The following CNTN5 variants were observed in gnomAD, a reference collection of about 807,000 sequenced individuals.
The protein encoded by CNTN5 is contactin-5.
Under a neutral mutation model 129.1 loss-of-function variants are expected in CNTN5, and 77 were observed. The observed-to-expected ratio is 0.60, with a 90% CI of 0.50 to 0.72. CNTN5 has a LOEUF of 0.72. CNTN5 is among the 30% of genes least tolerant of loss of function. The probability of loss-of-function intolerance (pLI) is 0.00; values close to 1 mark genes in which losing one functional copy is unlikely to be tolerated. For synonymous variants in CNTN5, 509 were observed against 465.6 expected, an observed-to-expected ratio of 1.09 and a Z score of -1.20; for missense variants, 1,478 against 1,328.8, an observed-to-expected ratio of 1.11 and a Z score of -1.75.
At chr11:100,024,105 C>T (rs908153077) in intron 9 of CNTN5, among the ~76,000 whole-genome samples, 4 of 152,252 alleles carry the variant, frequency 2.6e-5, no homozygotes, top group Non-Finnish European at 5.9e-5. Flanking sequence ...CTATAAACTC[C>T]ACATGTCAAG....
At chr11:99,368,495 T>A (rs895447156) in intron 2 of CNTN5, among the ~76,000 whole-genome samples, 3 of 151,234 alleles carry the variant, frequency 2.0e-5, no homozygotes, top group Admixed American at 6.6e-5. Flanking sequence ...AAAAAAAAAA[T>A]TGAAAATATA....
intron 2 of CNTN5, among the ~76,000 whole-genome samples, chr11:99,363,057 A>T (rs1187674288): frequency 6.6e-6 from 1 of 152,060 alleles, no homozygotes; most frequent in Non-Finnish European, 1.5e-5. Flanking sequence ...GGGAAAAAAA[A>T]ATCCGTAGGA....
intron 15 of CNTN5, among the ~76,000 whole-genome samples, chr11:100,203,110 C>T (rs1948822689): frequency 6.6e-6 from 1 of 152,002 alleles, no homozygotes; most frequent in African/African-American, 2.4e-5. Flanking sequence ...AAATTATGTT[C>T]AGTAAGATAA....
At chr11:99,275,371 A>G (rs900329044) in intron 1 of CNTN5, among the ~76,000 whole-genome samples, 2 of 151,570 alleles carry the variant, frequency 1.3e-5, no homozygotes, top group African/African-American at 4.8e-5. Flanking sequence ...TTTATACTAT[A>G]ATTAAATTAT....
Position 100,051,546 on chromosome 11 carries a change from A to ACTT in CNTN5, c.981-9663_981-9661dup, listed in dbSNP as rs572847299. Among the ~76,000 whole-genome samples the ACTT allele has an allele frequency of 2.7e-4, 41 of 152,070 alleles. 1 individual carries two copies. The South Asian group carries it at 8.3e-3, about 31-fold the overall frequency. ...GAAAATTCAAAATTTAATGATCTAA[A>ACTT]CTTCTACCTTAAACAAATGGAAAAT... On this transcript the variant is annotated intron_variant, in intron 9 of 24. Transcript: ENST00000524871.
chr11:99,371,478 A>G (rs1044716929), intron 2 of CNTN5, among the ~76,000 whole-genome samples: 1 of 152,152 alleles, frequency 6.6e-6, no homozygotes, highest in African/African-American at 2.4e-5. Context: ...TTTATTATAT[A>G]AATAAAATGT....
chr11:99,423,782 A>G (rs1459258445), intron 2 of CNTN5, among the ~76,000 whole-genome samples: 1 of 145,860 alleles, frequency 6.9e-6, no homozygotes, highest in African/African-American at 2.5e-5. Flanking sequence ...TCCACAGTAC[A>G]GGCTTTGAGT....
intron 3 of CNTN5, among the ~76,000 whole-genome samples, chr11:99,570,129 C>T: frequency 7.0e-6 from 1 of 143,214 alleles, no homozygotes; most frequent in African/African-American, 2.6e-5. Context: ...CTAAAGGTTA[C>T]TTTAAAAAAA....
rs148136649 is a variant in CNTN5 at position 100,293,089 on chromosome 11, G to T, written c.2315-4536G>T. The stretch of plus-strand genomic sequence containing the variant: ...ATCTGGGGGTATGTGAATAGGCTTT[G>T]TATATATTTCTTCTTGCCTTTTCTT... On this transcript the variant is annotated intron_variant, in intron 18 of 24. Coordinates refer to ENST00000524871, the MANE Select transcript of CNTN5 (RefSeq NM_014361.4). 7.2e-5 allele frequency among the ~76,000 whole-genome samples: 11 copies of T among 151,874 alleles called. No homozygotes were observed. In the East Asian group the frequency reaches 9.7e-4, roughly 13 times the overall value.
intron 13 of CNTN5, among the ~76,000 whole-genome samples, chr11:100,178,665 C>G (rs1035538483): frequency 1.9e-4 from 29 of 152,178 alleles, no homozygotes; most frequent in Non-Finnish European, 4.4e-5. Context: ...ATTGTGTTTC[C>G]TTGCTGTTCT....
chr11:99,996,197 G>T (rs1378490310), intron 8 of CNTN5, among the ~76,000 whole-genome samples: 3 of 151,820 alleles, frequency 2.0e-5, no homozygotes, highest in Non-Finnish European at 1.5e-5. Flanking sequence ...TTATTAATTG[G>T]TTTTTCCCAT....
rs546166991 is a variant in CNTN5, at chr11:100,260,948, C to T, written c.2164+5030C>T. 2.0e-5 allele frequency among the ~76,000 whole-genome samples: 3 copies of T among 152,144 alleles called. No individual in the cohort carries two copies. The South Asian group carries it at 6.2e-4, about 32-fold the overall frequency. On this transcript the variant is annotated intron_variant, in intron 17 of 24. Coordinates refer to ENST00000524871, the MANE Select transcript of CNTN5 (RefSeq NM_014361.4). Reference sequence around the variant, plus strand: ...ATAGTATCGGAAGTTTTGGCCAGGGCAATCAGGCAAGAGAAAGAAATAAAT... The same window carrying T: ...ATAGTATCGGAAGTTTTGGCCAGGGTAATCAGGCAAGAGAAAGAAATAAAT...
At position 99,203,758 on chromosome 11, in the gene CNTN5, C is replaced by T. The variant is rs142456918; in HGVS notation, c.-209-121588C>T. On this transcript the variant is annotated intron_variant, in intron 1 of 24. Transcript: ENST00000524871. ...GATTACAGGCATGTGCCAGCACGTC[C>T]GGCTAATTTTTTGTATTTTTAGTAG... 7.7e-3 allele frequency among the ~76,000 whole-genome samples: 1,164 copies of T among 152,040 alleles called. 22 individuals carry two copies. In the East Asian group the frequency reaches 0.083, roughly 11 times the overall value.
intron 21 of CNTN5, among the ~76,000 whole-genome samples, chr11:100,333,102 T>C (rs1951941834): frequency 6.6e-6 from 1 of 152,106 alleles, no homozygotes; most frequent in Non-Finnish European, 1.5e-5. Context: ...AAAATTAATA[T>C]GCAAAAGTCA....
chr11:99,654,092 C>T (rs1184837069), intron 3 of CNTN5, among the ~76,000 whole-genome samples: 1 of 151,948 alleles, frequency 6.6e-6, no homozygotes, highest in African/African-American at 2.4e-5. Context: ...TGCAAACAAG[C>T]AGTGAAAGCA....
At chr11:99,531,743 G>A (rs1023979409) in intron 2 of CNTN5, among the ~76,000 whole-genome samples, 4 of 152,306 alleles carry the variant, frequency 2.6e-5, no homozygotes, top group African/African-American at 2.4e-5. Flanking sequence ...TTAAGCCTTC[G>A]CAGTTTCCAC....
intron 2 of CNTN5, among the ~76,000 whole-genome samples, chr11:99,491,336 A>C (rs191413184): frequency 2.6e-4 from 39 of 152,152 alleles, no homozygotes; most frequent in African/African-American, 9.4e-4. Context: ...GCTAGTTTTC[A>C]TAGTAATAAG....
chr11:100,178,417 C>G (rs1313786609), intron 13 of CNTN5, among the ~76,000 whole-genome samples: 1 of 152,138 alleles, frequency 6.6e-6, no homozygotes, highest in Non-Finnish European at 1.5e-5. Flanking sequence ...TGTAACTGGA[C>G]TCCTCCAGCT....
chr11:99,281,822 T>C (rs572403964), intron 1 of CNTN5, among the ~76,000 whole-genome samples: 11 of 152,174 alleles, frequency 7.2e-5, no homozygotes, highest in African/African-American at 2.4e-4. Flanking sequence ...ACTTCACTTA[T>C]TCATAAAATG....
Sources: allele counts gnomAD v4.1 joint callset (sites outside exome capture counted in the v4.1 genomes callset), GRCh38; gene constraint gnomAD v4.1.1; transcripts MANE v1.5; gene names NCBI Gene and HGNC (gene_info 2026-07-23, HGNC 2026-07-21).